SLC38A6: variants seen among roughly 807,000 people sequenced by gnomAD.
SLC38A6 encodes the protein N system amino acid transporter NAT-1.
SLC38A6 carries 73 observed loss-of-function variants against 65.0 expected under a neutral mutation model. The ratio of observed to expected loss-of-function variants is 1.12; its 90% CI spans 0.93 to 1.37. The LOEUF is 1.37. Among genes scored for constraint, SLC38A6 ranks in the 40% most tolerant of loss-of-function variants. The pLI, the probability that SLC38A6 is intolerant of heterozygous loss-of-function variation, is 0.00. For missense variants in SLC38A6, 561 were observed against 531.1 expected, an observed-to-expected ratio of 1.06 and a Z score of -0.55; for synonymous variants, 183 against 178.8, an observed-to-expected ratio of 1.02 and a Z score of -0.19.
At chr14:61,043,110 G>T in intron 8 of SLC38A6, 37 bp from the exon 9 acceptor site, 1 of 1,285,040 alleles carries the variant, frequency 7.8e-7, no homozygotes. Context: ...AATTTTATAA[G>T]AAATGATCTG....
intron 15 of SLC38A6, among the ~76,000 whole-genome samples, chr14:61,068,671 T>G (rs940652148): frequency 6.6e-6 from 1 of 152,230 alleles, no homozygotes; most frequent in African/African-American, 2.4e-5. Flanking sequence ...CAACACATGG[T>G]AGTGCTTTTA....
chr14:61,024,594 A>G (rs2040512162), intron 5 of SLC38A6, among the ~76,000 whole-genome samples: 1 of 152,266 alleles, frequency 6.6e-6, no homozygotes, highest in Non-Finnish European at 1.5e-5. Flanking sequence ...GAAAGTAAGT[A>G]TAAGGTAGTT....
At chr14:61,004,140 A>G (rs1301985868) in intron 3 of SLC38A6, among the ~76,000 whole-genome samples, 3 of 152,174 alleles carry the variant, frequency 2.0e-5, no homozygotes, top group Non-Finnish European at 2.9e-5. Context: ...AATTAAAAAT[A>G]AGTTTTAAAT....
chr14:60,997,543 T>G (rs2038381879), intron 3 of SLC38A6, among the ~76,000 whole-genome samples: 1 of 152,222 alleles, frequency 6.6e-6, no homozygotes, highest in South Asian at 2.1e-4. Flanking sequence ...CTTATTCCTC[T>G]GAGTAAAGGG....
rs1037125592 is a variant in SLC38A6, at chr14:61,033,707, CAT to C, written c.482+3185_482+3186del. 3.9e-5 allele frequency among the ~76,000 whole-genome samples: 6 copies of C among 152,214 alleles called. No homozygotes were observed. The East Asian group carries it at 9.6e-4, about 24-fold the overall frequency. ...ACACAATTCATTTGTCTGTGACACACATGTGAAATCTAAACTAATTTTACTGT... is the reference window on the plus strand; with the variant it reads ...ACACAATTCATTTGTCTGTGACACACGTGAAATCTAAACTAATTTTACTGT... On this transcript the variant is annotated intron_variant, in intron 6 of 15. Transcript: ENST00000267488.
chr14:61,075,780 TGTGTG>T (rs2043384342), intron 15 of SLC38A6, among the ~76,000 whole-genome samples: 1 of 2,066 alleles, frequency 4.8e-4, no homozygotes, highest in Admixed American at 5.9e-3. Context: ...AACCTGTTTG[TGTGTG>T]TGTGTGTGTG....
rs2042461509 is a variant in SLC38A6 at position 61,050,735 on chromosome 14, T to G, written c.1050+99T>G. On this transcript the variant is annotated intron_variant, in intron 13 of 15. Coordinates refer to ENST00000267488, the MANE Select transcript of SLC38A6 (RefSeq NM_153811.3). ...TAGAATGTTTGAATCACATCTAGTC[T>G]TGTATATCTTATTCACTTGTCAAGT... 14 of 1,090,292 alleles carry G rather than the reference T, an allele frequency of 1.3e-5. No homozygotes were observed. The South Asian group carries it at 4.2e-4, about 33-fold the overall frequency. 67.5% of individuals were successfully genotyped at this position (1,090,292 alleles called of 1,614,324 possible).
chr14:61,047,982 C>G (rs201522437), intron 12 of SLC38A6, among the ~76,000 whole-genome samples: 282 of 2,974 alleles, frequency 0.095, 3 homozygotes, highest in Middle Eastern at 0.17. Context: ...TAGATACATA[C>G]ATACATACAT....
intron 5 of SLC38A6, among the ~76,000 whole-genome samples, chr14:61,028,039 GA>G (rs1261118967): frequency 6.6e-6 from 1 of 151,892 alleles, no homozygotes; most frequent in Non-Finnish European, 1.5e-5. Context: ...GGAATCTAAT[GA>G]AATAGTACTC....
chr14:61,043,825 C>T (rs559146688), intron 10 of SLC38A6, among the ~76,000 whole-genome samples: 1 of 151,660 alleles, frequency 6.6e-6, no homozygotes, highest in Admixed American at 6.6e-5. Flanking sequence ...TACCAACTTC[C>T]TGTTGCCCTC....
chr14:61,050,214 G>T (rs1408857289), intron 12 of SLC38A6, among the ~76,000 whole-genome samples: 4 of 152,058 alleles, frequency 2.6e-5, no homozygotes, highest in Admixed American at 6.6e-5. Context: ...TAAACAAACA[G>T]CACAAATGTT....
intron 8 of SLC38A6, among the ~76,000 whole-genome samples, chr14:61,040,764 G>T (rs2041752817): frequency 6.6e-6 from 1 of 152,174 alleles, no homozygotes; most frequent in South Asian, 2.1e-4. Flanking sequence ...TTATAGGCGT[G>T]AGCCACTGCA....
At chr14:60,986,793 A>G (rs766837496) in intron 3 of SLC38A6, among the ~76,000 whole-genome samples, 3 of 152,212 alleles carry the variant, frequency 2.0e-5, no homozygotes, top group Non-Finnish European at 2.9e-5. Flanking sequence ...TTAGTCAACT[A>G]TGTGGCAATT....
chr14:61,062,534 C>T (rs1278500447), intron 15 of SLC38A6, among the ~76,000 whole-genome samples: 2 of 151,654 alleles, frequency 1.3e-5, no homozygotes, highest in African/African-American at 2.4e-5. Flanking sequence ...GCTATGTTGC[C>T]CCGACTGGAT....
intron 6 of SLC38A6, among the ~76,000 whole-genome samples, chr14:61,035,201 T>G (rs2041269698): frequency 6.6e-6 from 1 of 152,202 alleles, no homozygotes. Flanking sequence ...TGTATACACT[T>G]AAGTGTAAAT....
At position 61,051,803 on chromosome 14, in the gene SLC38A6, C is replaced by A; in HGVS notation, c.1067C>A (p.Thr356Lys). The A allele has an allele frequency of 6.2e-7, 1 of 1,611,950 alleles. No homozygotes were observed. Among genetic ancestry groups the A allele is most frequent in the South Asian group, 1.1e-5 (1 of 90,858 alleles). The change falls in exon 14 of 16, where the codon ACA (threonine) becomes AAA (lysine). Residue 356 changes from threonine (T) to lysine (K), a missense_variant. By Grantham distance (78) the Thr-to-Lys change is moderately conservative. Transcript: ENST00000267488. ...LIHFPARKAV[T>K]MMFFSNFPFS... ...GTAATACAGGCCAGAAAAGCTGTAA[C>A]AATGATGTTTTTCTCCAATTTTCCA...
rs1023024305 is a variant in SLC38A6 at position 60,981,576 on chromosome 14, T to A, written c.105+194T>A. The A allele has an allele frequency of 3.3e-6, 5 of 1,519,728 alleles. No homozygotes were observed. In the Admixed American group the frequency reaches 7.9e-5, roughly 24 times the overall value. 94.1% of individuals were successfully genotyped at this position (1,519,728 alleles called of 1,614,324 possible). A position where few individuals can be genotyped will look rare whatever the true frequency, so the allele number is the denominator to read the frequency against. On this transcript the variant is annotated intron_variant, in intron 1 of 15. Transcript: ENST00000267488. ...CGCAGTTATGAACGTGATAGCAGCC[T>A]AGCATACTCTAGAAAGAAAAGATGA...
chr14:61,078,101 C>T (rs944133501), intron 15 of SLC38A6, among the ~76,000 whole-genome samples: 6 of 152,186 alleles, frequency 3.9e-5, no homozygotes, highest in East Asian at 1.9e-4. Context: ...TACCCTGAAG[C>T]GCAGGGTGTG....
intron 3 of SLC38A6, among the ~76,000 whole-genome samples, chr14:61,001,705 A>G (rs1484464380): frequency 2.0e-5 from 3 of 152,196 alleles, no homozygotes; most frequent in Non-Finnish European, 4.4e-5. Context: ...GAGATTATCT[A>G]TTGACTCTTC....
Sources: gnomAD v4.1 joint callset for allele counts (sites outside exome capture counted in the v4.1 genomes callset) on GRCh38, gnomAD v4.1.1 for gene constraint, MANE v1.5 for transcripts, NCBI Gene and HGNC (gene_info 2026-07-23, HGNC 2026-07-21) for gene names.